PER1: variants seen among roughly 807,000 people sequenced by gnomAD.
PER1 encodes the protein period circadian protein homolog 1.
A neutral mutation model predicts 125.9 loss-of-function variants in PER1; 87 were observed. That is an observed-to-expected ratio of 0.69 (90% CI 0.58 to 0.83). PER1 has a LOEUF of 0.83. Among genes scored for constraint, PER1 ranks in the 40% least tolerant of loss-of-function variants. The pLI is 0.00. For synonymous variants in PER1, 801 were observed against 714.7 expected (o/e 1.12, Z -1.93); for missense variants, 1,775 against 1,722.8 (o/e 1.03, Z -0.54).
Position 8,149,679 on chromosome 17 carries a change from G to A in PER1, c.652-16C>T, listed in dbSNP as rs377751779. On this transcript the variant is annotated splice_polypyrimidine_tract_variant and intron_variant, in intron 5 of 22. Transcript: ENST00000317276. ...AGAAGGTATCCTGGCAGGAGGGGGAGAGCAAGAGCAGATTCAAGAGCTGTG... is the reference window on the plus strand; with the variant it reads ...AGAAGGTATCCTGGCAGGAGGGGGAAAGCAAGAGCAGATTCAAGAGCTGTG... 11 of 1,609,898 alleles carry A rather than the reference G, an allele frequency of 6.8e-6. No homozygotes were observed. Among genetic ancestry groups the A allele is most frequent in the Admixed American group, 1.7e-5 (1 of 59,964 alleles).
At chr17:8,142,922 C>A in intron 19 of PER1, 87 bp from the exon 20 acceptor site, 1 of 998,706 alleles carries the variant, frequency 1.0e-6, no homozygotes, top group South Asian at 1.5e-5. Context: ...TGGGGAGAGG[C>A]ACATCCAACC....
chr17:8,142,369 G>C lies in PER1; in HGVS notation c.3349C>G (p.Pro1117Ala). The C allele has an allele frequency of 6.2e-7, 1 of 1,613,682 alleles. No individual in the cohort carries two copies. The highest frequency in any genetic ancestry group is 1.1e-5 in the South Asian group (1 of 91,016). The stretch of plus-strand genomic sequence containing the variant: ...ACGTACTTAATCACCTGGTCCCCAG[G>C]CTCAGCCCCGCCCCGAGCAGCCCCA... ...EAGAARGGAE[P>A]GDQVIKYVLQ... Residue 1117 changes from proline to alanine, a missense_variant, in exon 21 of 23, where the codon CCT becomes GCT. Coordinates refer to ENST00000317276, the MANE Select transcript of PER1 (RefSeq NM_002616.3).
rs781296535 is a variant in PER1, at chr17:8,150,027, C to T, written c.473G>A (p.Arg158His). ...RLPPERRGKG[R>H]SGTLATLQYA... Reference sequence around the variant, plus strand: ...CTGCAGCGTGGCCAGGGTCCCAGAGCGGCCCTTGCCCCGGCGCTCTGGCGG... The same window carrying T: ...CTGCAGCGTGGCCAGGGTCCCAGAGTGGCCCTTGCCCCGGCGCTCTGGCGG... The change falls in exon 4 of 23, where the codon CGC (arginine) becomes CAC (histidine). Residue 158 changes from arginine to histidine, a missense_variant. By Grantham distance (29) the Arg-to-His change is conservative. Transcript: ENST00000317276. 13 of 1,614,056 alleles carry T rather than the reference C, an allele frequency of 8.1e-6. No homozygotes were observed. Among genetic ancestry groups the T allele is most frequent in the East Asian group, 2.2e-5 (1 of 44,892 alleles).
intron 18 of PER1, 147 bp from the exon 19 acceptor site, chr17:8,144,023 A>G: frequency 8.0e-7 from 1 of 1,246,128 alleles, no homozygotes; most frequent in Non-Finnish European, 1.1e-6. Context: ...GGGACTCAGG[A>G]GGTGGGGCAC....
Position 8,142,297 on chromosome 17 carries a change from C to A in PER1, c.3421G>T (p.Val1141Phe). ...GAGGGCACCTGGTAGGTCATCATGA[C>A]GCGCTGGTCAGCATTGGCCATGAGC... is the stretch of plus-strand genomic sequence containing the variant. ...WLLMANADQR[V>F]MMTYQVPSRD... is the part of the protein sequence containing the mutation. The change falls in exon 21 of 23, where the codon GTC becomes TTC. Residue 1141 changes from valine (V) to phenylalanine (F), a missense_variant. Val to Phe is a conservative substitution (Grantham distance 50, BLOSUM62 -1). Transcript: ENST00000317276. 6.2e-7 allele frequency: 1 copy of A among 1,605,360 alleles called. No individual in the cohort carries two copies. The highest frequency in any genetic ancestry group is 8.5e-7 in the Non-Finnish European group (1 of 1,176,176).
Position 8,144,962 on chromosome 17 carries a change from T to C in PER1, c.2250A>G (p.Leu750=), listed in dbSNP as rs1310630084. ...CTGGGCTGGGGGCTGGGCCTGGGGC[T>C]AGGCCAGGCAGGTCCTCCATCATGA... is the stretch of plus-strand genomic sequence containing the variant. ...DIIMMEDLPG[L]APGPAPSPAP... is the part of the protein sequence containing the mutation. Residue 750 remains leucine, a synonymous_variant, in exon 18 of 23, where the codon CTA becomes CTG. Transcript: ENST00000317276. 2 of 1,504,658 alleles carry C rather than the reference T, an allele frequency of 1.3e-6. No homozygotes were observed. Among genetic ancestry groups the C allele is most frequent in the East Asian group, 4.6e-5 (2 of 43,022 alleles). 93.2% of individuals were successfully genotyped at this position (1,504,658 alleles called of 1,614,324 possible).
Position 8,141,281 on chromosome 17 carries a change from G to A in PER1, c.3660C>T (p.Phe1220=). The A allele has an allele frequency of 6.2e-7, 1 of 1,614,100 alleles. No homozygotes were observed. Among genetic ancestry groups the A allele is most frequent in the Non-Finnish European group, 8.5e-7 (1 of 1,180,012 alleles). ...QDPGHPDDPL[F]SELDGLGLEP... ...CCAGCCCCAGTCCATCCAGCTCTGAGAAGAGTGGGTCATCAGGGTGACCAG... is the reference window on the plus strand; with the variant it reads ...CCAGCCCCAGTCCATCCAGCTCTGAAAAGAGTGGGTCATCAGGGTGACCAG... The change falls in exon 23 of 23, where the codon TTC becomes TTT. Residue 1220 remains phenylalanine, a synonymous_variant. Transcript: ENST00000317276.
chr17:8,147,071 T>A (rs1475577356), intron 13 of PER1, 69 bp from the exon 14 acceptor site: 4 of 1,457,150 alleles, frequency 2.7e-6, no homozygotes, highest in Non-Finnish European at 3.8e-6. Context: ...AAGGGCACAA[T>A]AAAACAAGAA....
rs1031886513 is a variant in PER1 at position 8,148,584 on chromosome 17, G to A, written c.1048+60C>T. 7 of 1,528,898 alleles carry A rather than the reference G, an allele frequency of 4.6e-6. No homozygotes were observed. In the East Asian group the frequency reaches 9.2e-5, roughly 20 times the overall value. 94.7% of individuals were successfully genotyped at this position (1,528,898 alleles called of 1,614,324 possible). ...GTTCATGCCTCCCAAATTCATGTCT[G>A]GCCATGAGGAAATGTCCTTCCTCCC... On this transcript the variant is annotated intron_variant, in intron 8 of 22. Coordinates refer to ENST00000317276, the MANE Select transcript of PER1 (RefSeq NM_002616.3).
Position 8,149,291 on chromosome 17 carries a change from A to G in PER1, c.873T>C (p.Phe291=). ...GASAGSGLRD[F]TQEKSVFCRI... is the part of the protein sequence containing the mutation. ...GGCAGAAGACGGACTTCTCCTGGGT[A>G]AAGTCCCTGAGGCCTGAACCTGGGA... The change falls in exon 7 of 23, where the codon TTT becomes TTC. Residue 291 remains phenylalanine (F), a synonymous_variant. Coordinates refer to ENST00000317276, the MANE Select transcript of PER1 (RefSeq NM_002616.3). The G allele has an allele frequency of 6.2e-7, 1 of 1,613,940 alleles. No individual in the cohort carries two copies. Among genetic ancestry groups the G allele is most frequent in the Non-Finnish European group, 8.5e-7 (1 of 1,179,898 alleles).
rs1262810475 is a variant in PER1, at chr17:8,140,473, G to A, written c.*595C>T. On this transcript the variant is annotated 3_prime_UTR_variant, in exon 23 of 23. Transcript: ENST00000317276. ...CAAACTTCATTCCACAAAGTCCTGG[G>A]CGTTTTTATCTTTTTGTATTAAAAA... The A allele has an allele frequency of 5.0e-6, 1 of 199,540 alleles. No homozygotes were observed. Among genetic ancestry groups the A allele is most frequent in the East Asian group, 7.7e-5 (1 of 12,966 alleles). 12.4% of individuals were successfully genotyped at this position (199,540 alleles called of 1,614,324 possible). A position where few individuals can be genotyped will look rare whatever the true frequency, so the allele number is the denominator to read the frequency against.
intron 17 of PER1, 126 bp downstream of exon 17, chr17:8,145,832 A>G: frequency 9.2e-7 from 1 of 1,085,744 alleles, no homozygotes; most frequent in Non-Finnish European, 1.3e-6. Context: ...CAGTAGCCCC[A>G]AGCCCCAGGT....
chr17:8,145,017 G>A lies in PER1; in HGVS notation c.2219-24C>T, dbSNP rs889495857. 11 of 1,448,370 alleles carry A rather than the reference G, an allele frequency of 7.6e-6. No homozygotes were observed. The African/African-American group carries it at 1.2e-4, about 15-fold the overall frequency. The allele number at this position is 1,448,370 out of a possible 1,614,324, so 89.7% of individuals were successfully genotyped here. On this transcript the variant is annotated intron_variant, in intron 17 of 22. Transcript: ENST00000317276. The stretch of plus-strand genomic sequence containing the variant: ...GTCTGAGGAGAGTGAGATAGGGAAA[G>A]GTCATCAGAACCACTTCAGGGGTCA...
chr17:8,146,823 G>T, intron 14 of PER1, 58 bp from the exon 15 acceptor site: 1 of 1,605,576 alleles, frequency 6.2e-7, no homozygotes, highest in Non-Finnish European at 8.5e-7. Context: ...GAAAAAAACA[G>T]CAAATGGGTT....
rs778588242 is a variant in PER1, at chr17:8,143,515, G to T, written c.2823C>A (p.Thr941=). 1.9e-6 allele frequency: 3 copies of T among 1,551,342 alleles called. No individual in the cohort carries two copies. Among genetic ancestry groups the T allele is most frequent in the African/African-American group, 2.7e-5 (2 of 73,588 alleles). Residue 941 remains threonine (T), a synonymous_variant, in exon 19 of 23, where the codon ACC becomes ACA. Transcript: ENST00000317276. ...CAGGAGTGGGAGGCCCTTCAGCAGGGGTCTGGAGTGCCCCATAAGGATAGC... is the reference window on the plus strand; with the variant it reads ...CAGGAGTGGGAGGCCCTTCAGCAGGTGTCTGGAGTGCCCCATAAGGATAGC... The part of the protein sequence containing the change: ...PSSYPYGALQ[T]PAEGPPTPAS...
At chr17:8,148,351 C>G in intron 8 of PER1, 92 bp from the exon 9 acceptor site, 1 of 1,099,252 alleles carries the variant, frequency 9.1e-7, no homozygotes, top group South Asian at 1.4e-5. Context: ...GGCTGATGAT[C>G]TGCCACACAG....
chr17:8,146,329 G>C, intron 16 of PER1, 43 bp downstream of exon 16: 1 of 1,566,846 alleles, frequency 6.4e-7, no homozygotes, highest in Non-Finnish European at 8.7e-7. Context: ...AGGGCCACCA[G>C]GCCAGGACGG....
rs796874467 is a variant in PER1 at position 8,150,073 on chromosome 17, G to C, written c.427C>G (p.Arg143Gly). 14 of 1,614,208 alleles carry C rather than the reference G, an allele frequency of 8.7e-6. No individual in the cohort carries two copies. Among genetic ancestry groups the C allele is most frequent in the Non-Finnish European group, 1.2e-5 (14 of 1,180,030 alleles). The change falls in exon 4 of 23, where the codon CGA (arginine) becomes GGA (glycine). Residue 143 changes from arginine to glycine, a missense_variant. By Grantham distance (125) the Arg-to-Gly change is moderately radical. Transcript: ENST00000317276. The part of the protein sequence containing the change: ...RTQKELMTAL[R>G]ELKLRLPPER... ...GGCGGCAGTCGAAGCTTGAGCTCTC[G>C]AAGTGCTGTCATGAGTTCCTTCTGA...
At position 8,143,601 on chromosome 17, in the gene PER1, G is replaced by A; in HGVS notation, c.2737C>T (p.Pro913Ser). Residue 913 changes from proline to serine, a missense_variant, in exon 19 of 23, where the codon CCT (proline) becomes TCT (serine). Coordinates refer to ENST00000317276, the MANE Select transcript of PER1 (RefSeq NM_002616.3). ...AAGGCCACCATTGGGGTCACCAAAGGGGCGGGGAAAGCAGCTGGGGGCACA... is the reference window on the plus strand; with the variant it reads ...AAGGCCACCATTGGGGTCACCAAAGAGGCGGGGAAAGCAGCTGGGGGCACA... The part of the protein sequence containing the change: ...TSVPPAAFPA[P>S]LVTPMVALVL... 6.8e-7 allele frequency: 1 copy of A among 1,460,240 alleles called. No homozygotes were observed. The highest frequency in any genetic ancestry group is 9.1e-7 in the Non-Finnish European group (1 of 1,101,494). 90.5% of individuals were successfully genotyped at this position (1,460,240 alleles called of 1,614,324 possible).
Sources: allele counts gnomAD v4.1 joint callset, GRCh38; gene constraint gnomAD v4.1.1; transcripts MANE v1.5; gene names NCBI Gene and HGNC (gene_info 2026-07-23, HGNC 2026-07-21).